INPP4A: variants seen among roughly 807,000 people sequenced by gnomAD.
The protein encoded by INPP4A is inositol polyphosphate-4-phosphatase type I A, also known as inositol polyphosphate-4-phosphatase, type I, 107kD.
In INPP4A, 33 loss-of-function variants were observed where a neutral mutation model predicts 119.8. The ratio of observed to expected loss-of-function variants is 0.28; its 90% CI spans 0.21 to 0.37. The LOEUF (loss-of-function observed/expected upper bound fraction) is 0.37. Ranked by LOEUF, INPP4A falls within the 10% of genes least tolerant of loss-of-function variation. The pLI, the probability that INPP4A is intolerant of heterozygous loss-of-function variation, is 1.00. For missense variants in INPP4A, 956 were observed against 1,289.9 expected (o/e 0.74, Z 3.97); for synonymous variants, 496 against 500.7 (o/e 0.99, Z 0.12).
intron 1 of INPP4A, among the ~76,000 whole-genome samples, chr2:98,463,464 GC>G (rs1250338438): frequency 2.0e-5 from 3 of 152,262 alleles, no homozygotes; most frequent in African/African-American, 7.2e-5. Context: ...AACGGCCTGG[GC>G]AGCACGTTGC....
rs1697047766 is a variant in INPP4A, at chr2:98,569,378, TG to T, written c.2518+711del. ...AGTGCCGGCCTCTCTGTGCAGGCGC[TG>T]CCACAGCCACTAGGGGGCGCCACGC... is the stretch of plus-strand genomic sequence containing the variant. On this transcript the variant is annotated intron_variant, in intron 22 of 24. Coordinates refer to ENST00000409851, the MANE Select transcript of INPP4A (RefSeq NM_001134225.2). The surrounding 1 kb of genome is among the most constrained non-coding windows in gnomAD (Gnocchi z 5.1). 1 of 152,324 alleles carries T rather than the reference TG, an allele frequency of 6.6e-6. No individual in the cohort carries two copies. Among genetic ancestry groups the T allele is most frequent in the Non-Finnish European group, 1.5e-5 (1 of 68,156 alleles). The allele number at this position is 152,324 out of a possible 1,614,324, so 9.4% of individuals were successfully genotyped here.
At chr2:98,460,469 A>G (rs955230849) in intron 1 of INPP4A, among the ~76,000 whole-genome samples, 1 of 152,216 alleles carries the variant, frequency 6.6e-6, no homozygotes, top group African/African-American at 2.4e-5. Flanking sequence ...GAATTCATTC[A>G]TCCCACACTG....
chr2:98,587,768 T>C lies in INPP4A; in HGVS notation c.*160T>C. 1.7e-6 allele frequency: 1 copy of C among 589,186 alleles called. No individual in the cohort carries two copies. Among genetic ancestry groups the C allele is most frequent in the East Asian group, 3.3e-5 (1 of 30,590 alleles). The allele number at this position is 589,186 out of a possible 1,614,324, so 36.5% of individuals were successfully genotyped here. A position where few individuals can be genotyped will look rare whatever the true frequency, so the allele number is the denominator to read the frequency against. On this transcript the variant is annotated 3_prime_UTR_variant, in exon 25 of 25. Coordinates refer to ENST00000409851, the MANE Select transcript of INPP4A (RefSeq NM_001134225.2). ...AGAGTCTCTGGAGCATGTTTTTTGTTTTTTGGGTTTTTTTCCCCATTGGAA... is the reference window on the plus strand; with the variant it reads ...AGAGTCTCTGGAGCATGTTTTTTGTCTTTTGGGTTTTTTTCCCCATTGGAA...
At chr2:98,512,241 A>G (rs955543215) in intron 1 of INPP4A, among the ~76,000 whole-genome samples, 15 of 152,232 alleles carry the variant, frequency 9.9e-5, no homozygotes, top group African/African-American at 3.6e-4. Context: ...TCCGTTATAC[A>G]GAAACTGAGG....
intron 24 of INPP4A, among the ~76,000 whole-genome samples, chr2:98,584,382 G>A: frequency 6.6e-6 from 1 of 152,234 alleles, no homozygotes; most frequent in East Asian, 1.9e-4. Flanking sequence ...AGGGCTAGTG[G>A]CTAGGCAGAG....
chr2:98,533,242 A>G lies in INPP4A; in HGVS notation c.152-135A>G, dbSNP rs1689587568. On this transcript the variant is annotated intron_variant, in intron 4 of 24. Transcript: ENST00000409851. Reference sequence around the variant, plus strand: ...AAATTTAAAAAATCACTTCCCTGTGACAACTGACGATGTGATCGTCTCATC... The same window carrying G: ...AAATTTAAAAAATCACTTCCCTGTGGCAACTGACGATGTGATCGTCTCATC... 4 of 593,706 alleles carry G rather than the reference A, an allele frequency of 6.7e-6. No individual in the cohort carries two copies. In the South Asian group the frequency reaches 8.2e-5, roughly 12 times the overall value. 36.8% of individuals were successfully genotyped at this position (593,706 alleles called of 1,614,324 possible).
chr2:98,464,573 CAG>C (rs775528472), intron 1 of INPP4A, among the ~76,000 whole-genome samples: 65 of 152,314 alleles, frequency 4.3e-4, no homozygotes, highest in Non-Finnish European at 6.3e-4. Flanking sequence ...TCTGCCCTGA[CAG>C]GGGCAGAGTT....
rs1695129274 is a variant in INPP4A, at chr2:98,559,730, T to TC, written c.1855+236dup. Reference sequence around the variant, plus strand: ...ACATGTATTTGTTTTACTCTTACATTCTAAAGTCTTTACAGATGAGCGTGT... The same window carrying TC: ...ACATGTATTTGTTTTACTCTTACATTCCTAAAGTCTTTACAGATGAGCGTGT... On this transcript the variant is annotated intron_variant, in intron 17 of 24. Coordinates refer to ENST00000409851, the MANE Select transcript of INPP4A (RefSeq NM_001134225.2). 3.3e-5 allele frequency among the ~76,000 whole-genome samples: 5 copies of TC among 152,332 alleles called. No individual in the cohort carries two copies. In the South Asian group the frequency reaches 1.0e-3, roughly 32 times the overall value.
intron 1 of INPP4A, among the ~76,000 whole-genome samples, chr2:98,480,215 G>A (rs1242331381): frequency 1.3e-5 from 2 of 152,176 alleles, no homozygotes; most frequent in Non-Finnish European, 2.9e-5. Context: ...GCCTTGCCAG[G>A]GGCTCCTGGT....
Position 98,572,920 on chromosome 2 carries a change from C to G in INPP4A, c.2624C>G (p.Ala875Gly). 6.4e-7 allele frequency: 1 copy of G among 1,569,040 alleles called. No homozygotes were observed. The highest frequency in any genetic ancestry group is 8.6e-7 in the Non-Finnish European group (1 of 1,156,754). Residue 875 changes from alanine to glycine, a missense_variant, in exon 23 of 25, where the codon GCT (alanine) becomes GGT (glycine). Physicochemically the swap from Ala to Gly is moderately conservative, Grantham distance 60. Transcript: ENST00000409851. Reference protein sequence around the residue: ...KNKNVDILWQAAEICRRLNGV... With the variant: ...KNKNVDILWQGAEICRRLNGV... The stretch of plus-strand genomic sequence containing the variant: ...AAGAACGTCGACATTCTCTGGCAAG[C>G]TGCTGAGGTACTGGTTACAGAGAGG...
chr2:98,465,068 T>G (rs947445532), intron 1 of INPP4A, among the ~76,000 whole-genome samples: 2 of 152,246 alleles, frequency 1.3e-5, no homozygotes, highest in African/African-American at 4.8e-5. Flanking sequence ...CTGATTGCTT[T>G]GTATCCACTT....
chr2:98,587,718 T>C lies in INPP4A; in HGVS notation c.*110T>C. 1 of 978,212 alleles carries C rather than the reference T, an allele frequency of 1.0e-6. No homozygotes were observed. The highest frequency in any genetic ancestry group is 2.9e-5 in the East Asian group (1 of 34,950). The allele number at this position is 978,212 out of a possible 1,614,324, so 60.6% of individuals were successfully genotyped here. On this transcript the variant is annotated 3_prime_UTR_variant, in exon 25 of 25. Transcript: ENST00000409851. ...AGGATTGGTTTTTATTTTTTGTGGTTTTTTTAAAAAAAACATTTCACTAAA... is the reference window on the plus strand; with the variant it reads ...AGGATTGGTTTTTATTTTTTGTGGTCTTTTTAAAAAAAACATTTCACTAAA...
intron 13 of INPP4A, among the ~76,000 whole-genome samples, chr2:98,547,236 G>A (rs1416528130): frequency 2.6e-5 from 4 of 152,214 alleles, no homozygotes; most frequent in Non-Finnish European, 5.9e-5. Flanking sequence ...GGGGCGGAGA[G>A]CTAAGAGGAC....
chr2:98,587,026 G>C (rs187483199), intron 24 of INPP4A, among the ~76,000 whole-genome samples: 1 of 152,240 alleles, frequency 6.6e-6, no homozygotes, highest in African/African-American at 2.4e-5. Context: ...TTTTGAATTT[G>C]ATGTGATTAC....
chr2:98,581,884 T>TCAAGAAAATATTTCAAGAA, intron 24 of INPP4A: 1 of 1,392,958 alleles, frequency 7.2e-7, no homozygotes, highest in Non-Finnish European at 9.4e-7. Flanking sequence ...TTTCATGCCT[T>TCAAGAAAATATTTCAAGAA]ACATTTTGAC....
upstream of INPP4A, chr2:98,444,857 C>G (rs1190266250): frequency 2.0e-5 from 3 of 151,914 alleles, no homozygotes; most frequent in Admixed American, 2.0e-4. Context: ...CTGCGCCCGG[C>G]GTCTAGAGCG....
At chr2:98,481,543 GTGGTT>G (rs1164572938) in intron 1 of INPP4A, among the ~76,000 whole-genome samples, 1 of 152,202 alleles carries the variant, frequency 6.6e-6, no homozygotes, top group Non-Finnish European at 1.5e-5. Context: ...GCTATCTGAA[GTGGTT>G]TTAGATATAA....
At chr2:98,584,121 A>C (rs533406677) in intron 24 of INPP4A, among the ~76,000 whole-genome samples, 3 of 152,234 alleles carry the variant, frequency 2.0e-5, no homozygotes, top group African/African-American at 4.8e-5. Flanking sequence ...GCAGCATGAC[A>C]ATAGTCCCTG....
intron 4 of INPP4A, among the ~76,000 whole-genome samples, chr2:98,529,096 T>A (rs1013319061): frequency 2.7e-5 from 4 of 150,008 alleles, no homozygotes; most frequent in Admixed American, 6.6e-5. Context: ...AAAAAAAAAA[T>A]TTCTATTCAT....
Sources: allele counts gnomAD v4.1 joint callset (sites outside exome capture counted in the v4.1 genomes callset), GRCh38; gene constraint gnomAD v4.1.1; non-coding constraint Gnocchi (gnomAD v3.1); transcripts MANE v1.5; gene names NCBI Gene and HGNC (gene_info 2026-07-23, HGNC 2026-07-21).